The following RINT1 variants were observed in gnomAD, a reference collection of about 807,000 sequenced individuals.
RINT1 encodes the protein RAD50 interactor 1.
A neutral mutation model predicts 97.7 loss-of-function variants in RINT1; 75 were observed. The observed-to-expected ratio is 0.77, with a 90% confidence interval of 0.64 to 0.93. The LOEUF is 0.93. RINT1 is among the 40% of genes least tolerant of loss of function. RINT1 has a pLI of 0.00. For missense variants in RINT1, 892 were observed against 925.2 expected (o/e 0.96, Z 0.47); for synonymous variants, 303 against 326.3 (o/e 0.93, Z 0.77).
intron 2 of RINT1, among the ~76,000 whole-genome samples, chr7:105,534,809 G>C (rs1471407125): frequency 1.3e-5 from 2 of 152,048 alleles, no homozygotes; most frequent in Admixed American, 6.6e-5. Flanking sequence ...ACCACCTCCT[G>C]ATTCTCACAG....
chr7:105,537,462 G>A (rs1394356926), intron 3 of RINT1, among the ~76,000 whole-genome samples: 1 of 151,978 alleles, frequency 6.6e-6, no homozygotes. Context: ...TACCCATAGG[G>A]AGAAGTATAA....
At chr7:105,552,618 T>C (rs1441467999) in intron 10 of RINT1, among the ~76,000 whole-genome samples, 1 of 151,354 alleles carries the variant, frequency 6.6e-6, no homozygotes, top group Non-Finnish European at 1.5e-5. Context: ...CTTAGGCTTG[T>C]CTGGTAACCT....
chr7:105,543,410 C>T (rs1323611919), intron 4 of RINT1, among the ~76,000 whole-genome samples: 1 of 152,064 alleles, frequency 6.6e-6, no homozygotes, highest in Non-Finnish European at 1.5e-5. Context: ...GTTCTGCTAC[C>T]TCTGGGTAGG....
chr7:105,535,963 C>A (rs1353883390), intron 2 of RINT1, among the ~76,000 whole-genome samples: 1 of 152,224 alleles, frequency 6.6e-6, no homozygotes, highest in African/African-American at 2.4e-5. Flanking sequence ...CTGGATCACA[C>A]TTTAGGAATT....
At chr7:105,563,631 C>T (rs1382007544) in intron 11 of RINT1, 102 bp from the exon 12 acceptor site, 6 of 1,003,500 alleles carry the variant, frequency 6.0e-6, no homozygotes, top group South Asian at 3.2e-5. Flanking sequence ...CGTGCCCGGT[C>T]GAATTATACA....
At chr7:105,540,908 G>T (rs1318335721) in intron 3 of RINT1, among the ~76,000 whole-genome samples, 1 of 149,516 alleles carries the variant, frequency 6.7e-6, no homozygotes, top group East Asian at 2.0e-4. Flanking sequence ...CGCAGTCTCG[G>T]CCCACTGCAA....
intron 2 of RINT1, chr7:105,535,623 G>A (rs1489039457): frequency 2.2e-6 from 1 of 452,518 alleles, no homozygotes; most frequent in Non-Finnish European, 4.4e-6. Context: ...TGAGATCATG[G>A]CTCACTGCAG....
intron 11 of RINT1, among the ~76,000 whole-genome samples, chr7:105,563,088 C>T (rs73192144): frequency 0.14 from 21,449 of 151,178 alleles, 1,777 homozygotes; most frequent in South Asian, 0.24. Flanking sequence ...AGTGCTGATA[C>T]GTGTTACAAT....
intron 2 of RINT1, among the ~76,000 whole-genome samples, chr7:105,534,362 C>A (rs1790146504): frequency 6.6e-6 from 1 of 152,110 alleles, no homozygotes; most frequent in Admixed American, 6.6e-5. Context: ...AGCCACTGTG[C>A]TCAGTGGGTG....
At chr7:105,545,977 T>C (rs1414481913) in intron 4 of RINT1, among the ~76,000 whole-genome samples, 1 of 138,224 alleles carries the variant, frequency 7.2e-6, no homozygotes, top group Non-Finnish European at 1.5e-5. Flanking sequence ...CTAGTTTTTA[T>C]ATTTTTAGTA....
At chr7:105,546,308 C>T (rs896988890) in intron 4 of RINT1, among the ~76,000 whole-genome samples, 6 of 152,110 alleles carry the variant, frequency 3.9e-5, no homozygotes, top group Non-Finnish European at 7.3e-5. Context: ...GAATATGACA[C>T]AAAACAGGTC....
At position 105,542,583 on chromosome 7, in the gene RINT1, G is replaced by A; in HGVS notation, c.449G>A (p.Ser150Asn). 1 of 1,614,110 alleles carries A rather than the reference G, an allele frequency of 6.2e-7. No individual in the cohort carries two copies. Among genetic ancestry groups the A allele is most frequent in the Non-Finnish European group, 8.5e-7 (1 of 1,180,016 alleles). The stretch of plus-strand genomic sequence containing the variant: ...ATGGACGATCTTGGAACCATGATTA[G>A]CCAGATTGAAGAGATCGAACGTCAT... ...PWMDDLGTMI[S>N]QIEEIERHLA... The change falls in exon 4 of 15, where the codon AGC becomes AAC. Residue 150 changes from serine (S) to asparagine (N), a missense_variant. Coordinates refer to ENST00000257700, the MANE Select transcript of RINT1 (RefSeq NM_021930.6).
intron 3 of RINT1, among the ~76,000 whole-genome samples, chr7:105,539,188 A>G (rs1018506990): frequency 1.3e-5 from 2 of 151,964 alleles, no homozygotes; most frequent in Non-Finnish European, 2.9e-5. Flanking sequence ...CATTTTTTAG[A>G]GGCTTGTCTG....
chr7:105,566,432 A>C (rs887703201), intron 14 of RINT1: 1 of 152,196 alleles, frequency 6.6e-6, no homozygotes, highest in African/African-American at 2.4e-5. Flanking sequence ...CAGAGGTGGG[A>C]GAATTGCTTG....
At chr7:105,544,426 A>C (rs992589095) in intron 4 of RINT1, among the ~76,000 whole-genome samples, 4 of 151,100 alleles carry the variant, frequency 2.6e-5, no homozygotes, top group African/African-American at 9.7e-5. Context: ...TATTTTATTT[A>C]TTTTAATTTT....
chr7:105,565,617 T>G lies in RINT1; in HGVS notation c.2155T>G (p.Tyr719Asp). 1 of 1,612,196 alleles carries G rather than the reference T, an allele frequency of 6.2e-7. No homozygotes were observed. Among genetic ancestry groups the G allele is most frequent in the Non-Finnish European group, 8.5e-7 (1 of 1,178,556 alleles). The change falls in exon 14 of 15, where the codon TAT (tyrosine) becomes GAT (aspartate). Residue 719 changes from tyrosine to aspartate, a missense_variant. Physicochemically the swap from Tyr to Asp is radical, Grantham distance 160. Coordinates refer to ENST00000257700, the MANE Select transcript of RINT1 (RefSeq NM_021930.6). ...TRNLFPLFSHYCKRPENYFKH... is the reference protein window; with the variant it reads ...TRNLFPLFSHDCKRPENYFKH... Reference sequence around the variant, plus strand: ...GAATCTTTTCCCTTTGTTTTCTCACTATTGCAAGAGACCAGAAAATTATTT... The same window carrying G: ...GAATCTTTTCCCTTTGTTTTCTCACGATTGCAAGAGACCAGAAAATTATTT...
intron 6 of RINT1, 113 bp downstream of exon 6, chr7:105,547,446 G>C: frequency 1.9e-6 from 2 of 1,056,922 alleles, no homozygotes; most frequent in South Asian, 3.0e-5. Context: ...AGAATCCTGT[G>C]TTTGGACTTG....
At chr7:105,551,536 C>G (rs1790924420) in intron 9 of RINT1, 34 bp from the exon 10 acceptor site, 2 of 1,537,768 alleles carry the variant, frequency 1.3e-6, no homozygotes, top group African/African-American at 1.4e-5. Context: ...ACTGTAACTA[C>G]TTAATTGACA....
At chr7:105,558,145 T>C (rs989121882) in intron 11 of RINT1, among the ~76,000 whole-genome samples, 1 of 151,896 alleles carries the variant, frequency 6.6e-6, no homozygotes, top group Non-Finnish European at 1.5e-5. Context: ...TGAAACCCTG[T>C]CTTTACTAAA....
Sources: gnomAD v4.1 joint callset for allele counts (sites outside exome capture counted in the v4.1 genomes callset) on GRCh38, gnomAD v4.1.1 for gene constraint, MANE v1.5 for transcripts, NCBI Gene and HGNC (gene_info 2026-07-23, HGNC 2026-07-21) for gene names.